MGMT: variants seen among roughly 807,000 people sequenced by gnomAD.
The protein encoded by MGMT is methylated-DNA--protein-cysteine methyltransferase.
MGMT carries 14 observed loss-of-function variants against 15.9 expected under a neutral mutation model. That is an observed-to-expected ratio of 0.88 (90% confidence interval 0.58 to 1.37). The LOEUF is 1.37. MGMT is among the 40% of genes most tolerant of loss of function. MGMT has a pLI of 0.00. For synonymous variants in MGMT, 130 were observed against 118.2 expected (o/e 1.10, Z -0.65); for missense variants, 282 against 268.1 (o/e 1.05, Z -0.36).
intron 1 of MGMT, among the ~76,000 whole-genome samples, chr10:129,523,994 C>G (rs924508039): frequency 1.3e-5 from 2 of 152,216 alleles, no homozygotes; most frequent in Non-Finnish European, 2.9e-5. Context: ...GCAGAAGCAT[C>G]TCTTGATGGC....
At chr10:129,712,198 GAGGTCCTGCCAAGGCAGGAC>G (rs1848240525) in intron 3 of MGMT, among the ~76,000 whole-genome samples, 1 of 152,172 alleles carries the variant, frequency 6.6e-6, no homozygotes, top group Non-Finnish European at 1.5e-5. Context: ...GCTGCTGAGG[GAGGTCCTGCCAAGGCAGGAC>G]CAGGCCTTGG....
intron 3 of MGMT, among the ~76,000 whole-genome samples, chr10:129,709,951 C>G (rs1238989361): frequency 6.6e-6 from 1 of 152,184 alleles, no homozygotes; most frequent in Non-Finnish European, 1.5e-5. Flanking sequence ...CCAAACCACC[C>G]CTGCAAGCAC....
intron 4 of MGMT, 36 bp from the exon 5 acceptor site, chr10:129,766,752 T>C (rs777562855): frequency 6.3e-7 from 1 of 1,584,458 alleles, no homozygotes; most frequent in African/African-American, 1.3e-5. Context: ...GTTGTCCAGA[T>C]CCCTGACTGA....
chr10:129,720,678 G>T (rs1564773696), intron 3 of MGMT, among the ~76,000 whole-genome samples: 1 of 152,246 alleles, frequency 6.6e-6, no homozygotes, highest in Non-Finnish European at 1.5e-5. Flanking sequence ...CTGCTAGCAT[G>T]TGCTCCTGAA....
intron 2 of MGMT, among the ~76,000 whole-genome samples, chr10:129,648,946 G>T (rs955657518): frequency 6.6e-6 from 1 of 152,188 alleles, no homozygotes; most frequent in Non-Finnish European, 1.5e-5. Context: ...CTGTGGTCTG[G>T]GCGGAGGGAG....
At chr10:129,678,488 G>C (rs2133118106) in intron 2 of MGMT, among the ~76,000 whole-genome samples, 1 of 152,288 alleles carries the variant, frequency 6.6e-6, no homozygotes, top group East Asian at 1.9e-4. Flanking sequence ...TCTTGGAGGG[G>C]CTGTGTTAGA....
intron 3 of MGMT, among the ~76,000 whole-genome samples, chr10:129,756,997 G>A (rs565697921): frequency 2.6e-5 from 4 of 152,364 alleles, no homozygotes; most frequent in South Asian, 2.1e-4. Flanking sequence ...GCTAGGGTTC[G>A]AAGCACTGTG....
At chr10:129,544,033 C>T (rs139625350) in intron 2 of MGMT, among the ~76,000 whole-genome samples, 33 of 118,946 alleles carry the variant, frequency 2.8e-4, no homozygotes, top group Non-Finnish European at 4.6e-4. Context: ...TAAAATAAAA[C>T]CCCTTAAATC....
intron 1 of MGMT, among the ~76,000 whole-genome samples, chr10:129,516,984 C>T (rs945209308): frequency 2.0e-5 from 3 of 152,198 alleles, no homozygotes; most frequent in African/African-American, 7.2e-5. Flanking sequence ...ACAGTTCTAC[C>T]CCGAGTGCGG....
intron 3 of MGMT, among the ~76,000 whole-genome samples, chr10:129,710,740 G>C (rs773868636): frequency 5.3e-5 from 8 of 152,172 alleles, no homozygotes; most frequent in Admixed American, 2.6e-4. Context: ...AGGTCTTCTA[G>C]AGGAAAAGTC....
chr10:129,538,204 G>A (rs1379732491), intron 2 of MGMT, among the ~76,000 whole-genome samples: 1 of 152,164 alleles, frequency 6.6e-6, no homozygotes, highest in Non-Finnish European at 1.5e-5. Context: ...CAATTCATTT[G>A]ACAAAAGTGT....
At chr10:129,576,886 C>T (rs1846489913) in intron 2 of MGMT, among the ~76,000 whole-genome samples, 1 of 152,178 alleles carries the variant, frequency 6.6e-6, no homozygotes, top group African/African-American at 2.4e-5. Flanking sequence ...TTCTTATACA[C>T]CAATAACAGG....
At chr10:129,717,088 A>G (rs1038751642) in intron 3 of MGMT, among the ~76,000 whole-genome samples, 1 of 152,206 alleles carries the variant, frequency 6.6e-6, no homozygotes, top group Non-Finnish European at 1.5e-5. Context: ...ATTTTCAATG[A>G]GCAGGTAATC....
chr10:129,769,895 A>G lies in MGMT; in HGVS notation c.*2898A>G, dbSNP rs555611968. Among the ~76,000 whole-genome samples, 1 of 152,170 alleles carries G rather than the reference A, an allele frequency of 6.6e-6. No homozygotes were observed. Among genetic ancestry groups the G allele is most frequent in the Admixed American group, 6.5e-5 (1 of 15,276 alleles). ...GAGCTCTTGCATGAGGAATTGCAGA[A>G]CTTAGGGGCATGAATTTGCACTTCC... is the stretch of plus-strand genomic sequence containing the variant. On this transcript the variant is annotated 3_prime_UTR_variant, in exon 5 of 5. Coordinates refer to ENST00000651593, the MANE Select transcript of MGMT (RefSeq NM_002412.5).
At chr10:129,613,415 G>A (rs1266153698) in intron 2 of MGMT, among the ~76,000 whole-genome samples, 3 of 152,182 alleles carry the variant, frequency 2.0e-5, no homozygotes, top group East Asian at 1.9e-4. Context: ...GGGCCGGAAG[G>A]AAATGGTGCC....
chr10:129,710,768 C>T (rs1254085467), intron 3 of MGMT, among the ~76,000 whole-genome samples: 6 of 152,166 alleles, frequency 3.9e-5, no homozygotes, highest in Admixed American at 6.5e-5. Flanking sequence ...ATCTCAGAGC[C>T]GCCTGGAAGC....
chr10:129,710,617 G>T (rs1406836600), intron 3 of MGMT, among the ~76,000 whole-genome samples: 8 of 152,220 alleles, frequency 5.3e-5, no homozygotes, highest in African/African-American at 1.9e-4. Flanking sequence ...CTAACAGGGA[G>T]TTAATTGGTT....
chr10:129,612,781 GTCT>G (rs1846976569), intron 2 of MGMT, among the ~76,000 whole-genome samples: 1 of 152,200 alleles, frequency 6.6e-6, no homozygotes, highest in Non-Finnish European at 1.5e-5. Context: ...GTTAAGGGAG[GTCT>G]TCGTTTCGGC....
chr10:129,667,506 C>T (rs1564753927), intron 2 of MGMT, among the ~76,000 whole-genome samples: 1 of 152,048 alleles, frequency 6.6e-6, no homozygotes, highest in Non-Finnish European at 1.5e-5. Context: ...GAATTTATCA[C>T]AGTTTATTAG....
Sources: gnomAD v4.1 joint callset for allele counts (sites outside exome capture counted in the v4.1 genomes callset) on GRCh38, gnomAD v4.1.1 for gene constraint, MANE v1.5 for transcripts, NCBI Gene and HGNC (gene_info 2026-07-23, HGNC 2026-07-21) for gene names.